The following CAMK1D variants were observed in gnomAD, a reference collection of about 807,000 sequenced individuals.
CAMK1D encodes calcium/calmodulin dependent protein kinase ID.
In CAMK1D, 9 loss-of-function variants were observed where a neutral mutation model predicts 47.7. The ratio of observed to expected loss-of-function variants is 0.19; its 90% CI spans 0.11 to 0.33. The LOEUF (loss-of-function observed/expected upper bound fraction) is 0.33. CAMK1D is among the 10% of genes least tolerant of loss of function. The pLI, the probability that CAMK1D is intolerant of heterozygous loss-of-function variation, is 1.00. For synonymous variants in CAMK1D, 184 were observed against 184.9 expected (o/e 0.99, Z 0.04); for missense variants, 291 against 488.7 (o/e 0.60, Z 3.81).
intron 1 of CAMK1D, among the ~76,000 whole-genome samples, chr10:12,549,219 C>T (rs1327057897): frequency 6.6e-6 from 1 of 152,198 alleles, no homozygotes; most frequent in African/African-American, 2.4e-5. Context: ...TCCCCATTGC[C>T]TTCTCCCCCT....
intron 3 of CAMK1D, among the ~76,000 whole-genome samples, chr10:12,683,982 A>G (rs1832553874): frequency 1.3e-5 from 2 of 152,176 alleles, no homozygotes; most frequent in African/African-American, 4.8e-5. Context: ...GTTTCATTGC[A>G]TACAAATGTG....
chr10:12,734,490 G>A (rs1410984528), intron 3 of CAMK1D, among the ~76,000 whole-genome samples: 77 of 125,924 alleles, frequency 6.1e-4, no homozygotes, highest in African/African-American at 2.0e-3. Flanking sequence ...ATACACATAT[G>A]TATATATATA....
chr10:12,683,850 C>T (rs866035750), intron 3 of CAMK1D, among the ~76,000 whole-genome samples: 2 of 151,678 alleles, frequency 1.3e-5, no homozygotes, highest in African/African-American at 4.9e-5. Context: ...ATCAACCCCT[C>T]CAATAACCAC....
rs201462106 is a variant in CAMK1D, at chr10:12,569,711, A to G, written c.224+16355A>G. 1.4e-4 allele frequency among the ~76,000 whole-genome samples: 15 copies of G among 110,110 alleles called. No individual in the cohort carries two copies. In the East Asian group the frequency reaches 3.0e-3, roughly 22 times the overall value. The allele number at this position is 110,110 out of a possible 152,430, so 72.2% of individuals were successfully genotyped here. A position where few individuals can be genotyped will look rare whatever the true frequency, so the allele number is the denominator to read the frequency against. On this transcript the variant is annotated intron_variant, in intron 2 of 10. Coordinates refer to ENST00000619168, the MANE Select transcript of CAMK1D (RefSeq NM_153498.4). ...TCTATCTAGCTTGGGTGACAGAACGAGACTCCGTCTCAAAAAAAAAAAAAA... is the reference window on the plus strand; with the variant it reads ...TCTATCTAGCTTGGGTGACAGAACGGGACTCCGTCTCAAAAAAAAAAAAAA...
chr10:12,409,133 A>C (rs1839561802), intron 1 of CAMK1D, among the ~76,000 whole-genome samples: 2 of 152,228 alleles, frequency 1.3e-5, no homozygotes, highest in South Asian at 4.2e-4. Flanking sequence ...CTGGTATTAC[A>C]GGCGTGAGCC....
At chr10:12,430,853 C>T (rs374203193) in intron 1 of CAMK1D, among the ~76,000 whole-genome samples, 85 of 147,276 alleles carry the variant, frequency 5.8e-4, no homozygotes, top group African/African-American at 1.9e-3. Context: ...TGTGTTTAAC[C>T]GATTCTCCTG....
Position 12,664,512 on chromosome 10 carries a change from G to T in CAMK1D, c.225-2224G>T, listed in dbSNP as rs552463101. Among the ~76,000 whole-genome samples, 5 of 152,322 alleles carry T rather than the reference G, an allele frequency of 3.3e-5. No individual in the cohort carries two copies. In the East Asian group the frequency reaches 9.6e-4, roughly 29 times the overall value. On this transcript the variant is annotated intron_variant, in intron 2 of 10. Coordinates refer to ENST00000619168, the MANE Select transcript of CAMK1D (RefSeq NM_153498.4). Reference sequence around the variant, plus strand: ...TTATTGGGGTCCGCAATGATAGCTAGGCAAGTGCTTTGTGTTATTGTTGAA... The same window carrying T: ...TTATTGGGGTCCGCAATGATAGCTATGCAAGTGCTTTGTGTTATTGTTGAA...
intron 1 of CAMK1D, among the ~76,000 whole-genome samples, chr10:12,534,937 C>A (rs1835922026): frequency 6.6e-6 from 1 of 152,118 alleles, no homozygotes. Flanking sequence ...TTGGCAGAGC[C>A]CAGTCTTGTG....
At chr10:12,708,542 A>G (rs546638971) in intron 3 of CAMK1D, among the ~76,000 whole-genome samples, 1 of 152,314 alleles carries the variant, frequency 6.6e-6, no homozygotes, top group East Asian at 1.9e-4. Context: ...GCTCCATAAT[A>G]TACTTTTGCA....
chr10:12,711,663 C>G (rs1833941693), intron 3 of CAMK1D, among the ~76,000 whole-genome samples: 2 of 152,116 alleles, frequency 1.3e-5, no homozygotes, highest in Admixed American at 1.3e-4. Context: ...ATTGCGTTCC[C>G]TGTTAATATG....
chr10:12,466,592 CT>C (rs397844890), intron 1 of CAMK1D, among the ~76,000 whole-genome samples: 31,277 of 132,330 alleles, frequency 0.24, 3,692 homozygotes, highest in African/African-American at 0.35. Context: ...CTCTGAATTT[CT>C]TTTTTTTTTT....
intron 1 of CAMK1D, among the ~76,000 whole-genome samples, chr10:12,487,921 C>T (rs1223765927): frequency 6.6e-6 from 1 of 152,162 alleles, no homozygotes; most frequent in Non-Finnish European, 1.5e-5. Context: ...ATGGCTCCTC[C>T]AGCCATGTTG....
intron 3 of CAMK1D, among the ~76,000 whole-genome samples, chr10:12,749,675 C>T (rs946390499): frequency 1.3e-5 from 2 of 152,068 alleles, no homozygotes; most frequent in African/African-American, 2.4e-5. Flanking sequence ...TCTCCTGCCT[C>T]AGCCTCCCAA....
intron 1 of CAMK1D, among the ~76,000 whole-genome samples, chr10:12,475,296 C>T (rs1329830154): frequency 6.6e-6 from 1 of 152,220 alleles, no homozygotes; most frequent in Non-Finnish European, 1.5e-5. Context: ...CTCCTCTCCC[C>T]AGCACCTGGC....
At chr10:12,511,172 CGTCT>C (rs1286258822) in intron 1 of CAMK1D, among the ~76,000 whole-genome samples, 1 of 152,206 alleles carries the variant, frequency 6.6e-6, no homozygotes. Context: ...GGCAATGGAA[CGTCT>C]GTCTTCCTCT....
At chr10:12,437,136 A>ACAAT (rs1832656560) in intron 1 of CAMK1D, among the ~76,000 whole-genome samples, 1 of 150,802 alleles carries the variant, frequency 6.6e-6, no homozygotes, top group Non-Finnish European at 1.5e-5. Flanking sequence ...AAACAGACCG[A>ACAAT]CTATCTATCT....
At chr10:12,521,191 G>A (rs1313530076) in intron 1 of CAMK1D, among the ~76,000 whole-genome samples, 2 of 151,620 alleles carry the variant, frequency 1.3e-5, no homozygotes, top group Non-Finnish European at 2.9e-5. Context: ...TCTTTTTCTA[G>A]TTTCTTGAAG....
intron 2 of CAMK1D, among the ~76,000 whole-genome samples, chr10:12,626,133 A>G (rs543482416): frequency 6.6e-6 from 1 of 152,266 alleles, no homozygotes; most frequent in Admixed American, 6.5e-5. Context: ...CTCATAATTC[A>G]TATGCATATG....
At chr10:12,696,928 G>T (rs143572684) in intron 3 of CAMK1D, among the ~76,000 whole-genome samples, 2 of 152,214 alleles carry the variant, frequency 1.3e-5, no homozygotes, top group East Asian at 3.9e-4. Context: ...ATATTTATCT[G>T]CCTGGATCCT....
Sources: allele counts gnomAD v4.1 joint callset (sites outside exome capture counted in the v4.1 genomes callset), GRCh38; gene constraint gnomAD v4.1.1; transcripts MANE v1.5; gene names NCBI Gene and HGNC (gene_info 2026-07-23, HGNC 2026-07-21).